Variants in MED4 observed in about 807,000 individuals in gnomAD.
MED4 encodes mediator complex subunit 4, also known as mediator of RNA polymerase II transcription subunit 4.
Under a neutral mutation model 35.0 loss-of-function variants are expected in MED4, and 21 were observed. That is an observed-to-expected ratio of 0.60 (90% CI 0.43 to 0.86). MED4 has a LOEUF of 0.86. Among genes scored for constraint, MED4 ranks in the 40% least tolerant of loss-of-function variants. The pLI is 0.00. For missense variants in MED4, 300 were observed against 319.4 expected (o/e 0.94, Z 0.46); for synonymous variants, 138 against 114.0 (o/e 1.21, Z -1.34).
chr13:48,083,620 T>C (rs562058896), intron 3 of MED4, among the ~76,000 whole-genome samples, 192 bp from the exon 4 acceptor site: 2 of 152,190 alleles, frequency 1.3e-5, no homozygotes, highest in African/African-American at 4.8e-5. Flanking sequence ...GAAAGAAATA[T>C]TATATTTATG....
intron 1 of MED4, among the ~76,000 whole-genome samples, chr13:48,094,027 T>C (rs1368211315): frequency 3.3e-5 from 5 of 152,310 alleles, no homozygotes; most frequent in African/African-American, 9.6e-5. Flanking sequence ...ACTAAAGAAT[T>C]TGAACTTTAC....
At chr13:48,086,219 T>C in intron 3 of MED4, 63 bp downstream of exon 3, 2 of 1,488,224 alleles carry the variant, frequency 1.3e-6, no homozygotes, top group East Asian at 2.3e-5. Flanking sequence ...TGATAACAGA[T>C]TTTTCAGAAA....
At chr13:48,081,343 A>C (rs1161823390) in intron 5 of MED4, among the ~76,000 whole-genome samples, 3 of 152,218 alleles carry the variant, frequency 2.0e-5, no homozygotes, top group African/African-American at 7.2e-5. Context: ...AGCCCTGATA[A>C]AATGGTATAT....
intron 6 of MED4, 92 bp downstream of exon 6, chr13:48,079,752 A>C: frequency 1.4e-6 from 2 of 1,448,420 alleles, no homozygotes; most frequent in Non-Finnish European, 1.9e-6. Flanking sequence ...TTGTGTCGGG[A>C]ATCTCAAACT....
At position 48,079,824 on chromosome 13, in the gene MED4, A is replaced by G. The variant is rs553185854; in HGVS notation, c.640+20T>C. 3 of 1,581,340 alleles carry G rather than the reference A, an allele frequency of 1.9e-6. No homozygotes were observed. The highest frequency in any genetic ancestry group is 2.2e-5 in the East Asian group (1 of 44,538). On this transcript the variant is annotated intron_variant, in intron 6 of 6. Transcript: ENST00000258648. ...GGAAAACCCTGATCTGTTTGAAAAC[A>G]CTCTTCGGCTTAACATTACCTGGCA... is the stretch of plus-strand genomic sequence containing the variant.
rs552664699 is a variant in MED4 at position 48,087,858 on chromosome 13, A to G, written c.193-1406T>C. Among the ~76,000 whole-genome samples, 53 of 152,284 alleles carry G rather than the reference A, an allele frequency of 3.5e-4. No homozygotes were observed. In the South Asian group the frequency reaches 0.01, roughly 30 times the overall value. On this transcript the variant is annotated intron_variant, in intron 2 of 6. Coordinates refer to ENST00000258648, the MANE Select transcript of MED4 (RefSeq NM_014166.4). ...GAGCAAGACTTCGTCTCAGGAAAAA[A>G]AAAAAAATACAGTGATTTCATAAAA...
intron 2 of MED4, 35 bp from the exon 3 acceptor site, chr13:48,086,487 A>C (rs1237804395): frequency 7.6e-6 from 12 of 1,588,828 alleles, no homozygotes; most frequent in Non-Finnish European, 1.0e-5. Flanking sequence ...CAGACAATAG[A>C]CTACTGAAAG....
At chr13:48,086,037 T>C (rs1459707334) in intron 3 of MED4, among the ~76,000 whole-genome samples, 1 of 151,944 alleles carries the variant, frequency 6.6e-6, no homozygotes, top group Non-Finnish European at 1.5e-5. Context: ...TATAATTCAA[T>C]ACTGTAAAAT....
At chr13:48,094,296 A>G (rs1950909951) in intron 1 of MED4, among the ~76,000 whole-genome samples, 1 of 152,142 alleles carries the variant, frequency 6.6e-6, no homozygotes, top group South Asian at 2.1e-4. Flanking sequence ...AATGGGAGGG[A>G]GTCAAGGAAG....
At chr13:48,082,973 T>TG (rs966548733) in intron 4 of MED4, among the ~76,000 whole-genome samples, 1 of 152,268 alleles carries the variant, frequency 6.6e-6, no homozygotes, top group African/African-American at 2.4e-5. Context: ...CGTCTGGCTC[T>TG]GACTTCATGA....
At chr13:48,079,612 C>T (rs1396574670) in intron 6 of MED4, among the ~76,000 whole-genome samples, 1 of 152,046 alleles carries the variant, frequency 6.6e-6, no homozygotes, top group African/African-American at 2.4e-5. Context: ...TGGTGGCACA[C>T]ACCTGTAATC....
intron 4 of MED4, among the ~76,000 whole-genome samples, chr13:48,082,770 T>G (rs957587435): frequency 2.0e-5 from 3 of 150,304 alleles, no homozygotes; most frequent in Non-Finnish European, 2.9e-5. Flanking sequence ...GAGCTTGCAG[T>G]GCGCCGAGAT....
rs1950774112 is a variant in MED4, at chr13:48,077,933, T to C, written c.641-622A>G. On this transcript the variant is annotated intron_variant, in intron 6 of 6. Coordinates refer to ENST00000258648, the MANE Select transcript of MED4 (RefSeq NM_014166.4). Reference sequence around the variant, plus strand: ...ATTATATGCATATATAATACATACTTATGTATACTAGGTTATGTAGATTAT... The same window carrying C: ...ATTATATGCATATATAATACATACTCATGTATACTAGGTTATGTAGATTAT... 2.0e-5 allele frequency among the ~76,000 whole-genome samples: 3 copies of C among 152,194 alleles called. No homozygotes were observed. The South Asian group carries it at 6.2e-4, about 31-fold the overall frequency.
At chr13:48,094,543 G>A (rs957346513) in intron 1 of MED4, among the ~76,000 whole-genome samples, 1 of 152,026 alleles carries the variant, frequency 6.6e-6, no homozygotes, top group Non-Finnish European at 1.5e-5. Context: ...AAGGTGCCTA[G>A]TCCCTGTGCT....
chr13:48,084,265 C>CAAAAAAAAAAAAAAAAAAAAAAAAA (rs71099664), intron 3 of MED4, among the ~76,000 whole-genome samples: 1 of 109,974 alleles, frequency 9.1e-6, no homozygotes, highest in African/African-American at 3.6e-5. Context: ...GACTCTGTCT[C>CAAAAAAAAAAAAAAAAAAAAAAAAA]AAAAAAAAAA....
At chr13:48,077,723 G>GA (rs936411230) in intron 6 of MED4, among the ~76,000 whole-genome samples, 5 of 151,670 alleles carry the variant, frequency 3.3e-5, no homozygotes, top group Non-Finnish European at 4.4e-5. Flanking sequence ...TTAAGACTAG[G>GA]AAAAAAATAC....
At chr13:48,086,584 G>C in intron 2 of MED4, 132 bp from the exon 3 acceptor site, 1 of 720,748 alleles carries the variant, frequency 1.4e-6, no homozygotes. Flanking sequence ...CCTAATTCTT[G>C]TTAAGAATAA....
intron 1 of MED4, among the ~76,000 whole-genome samples, chr13:48,091,093 T>C (rs1172080462): frequency 1.3e-5 from 2 of 152,216 alleles, no homozygotes; most frequent in South Asian, 4.1e-4. Flanking sequence ...TGAATGAACA[T>C]ATGTTTATAT....
At chr13:48,088,813 T>C (rs1312989919) in intron 2 of MED4, among the ~76,000 whole-genome samples, 1 of 152,200 alleles carries the variant, frequency 6.6e-6, no homozygotes, top group Non-Finnish European at 1.5e-5. Context: ...AAATTCTATA[T>C]AAAATTATAA....
Sources: allele counts gnomAD v4.1 joint callset (sites outside exome capture counted in the v4.1 genomes callset), GRCh38; gene constraint gnomAD v4.1.1; transcripts MANE v1.5; gene names NCBI Gene and HGNC (gene_info 2026-07-23, HGNC 2026-07-21).